ZNF774: variants seen among roughly 807,000 people sequenced by gnomAD.
ZNF774 encodes zinc finger protein 774.
A neutral mutation model predicts 11.1 loss-of-function variants in ZNF774; 14 were observed. That is an observed-to-expected ratio of 1.26 (90% CI 0.83 to 1.97). The LOEUF (loss-of-function observed/expected upper bound fraction) is 1.97. Ranked by LOEUF, ZNF774 falls within the 30% of genes most tolerant of loss-of-function variation. The probability of loss-of-function intolerance (pLI) is 0.00; values close to 1 mark genes in which losing one functional copy is unlikely to be tolerated. For missense variants in ZNF774, 599 were observed against 587.0 expected (o/e 1.02, Z -0.21); for synonymous variants, 195 against 212.6 (o/e 0.92, Z 0.72).
chr15:90,361,222 G>GT lies in ZNF774; in HGVS notation c.1392dup (p.Asn465Ter), dbSNP rs1475564849. On this transcript the variant is annotated frameshift_variant, in exon 4 of 4. Transcript: ENST00000354377. LOFTEE classifies it high-confidence loss of function. ...GAAAAACCTTTCCACTGTAGTAAATGTAACAAGAGCTTCCGTCAGAAAGCG... is the reference window on the plus strand; with the variant it reads ...GAAAAACCTTTCCACTGTAGTAAATGTTAACAAGAGCTTCCGTCAGAAAGCG... 6.2e-7 allele frequency: 1 copy of GT among 1,612,424 alleles called. No homozygotes were observed. Among genetic ancestry groups the GT allele is most frequent in the East Asian group, 2.2e-5 (1 of 44,860 alleles).
At position 90,360,903 on chromosome 15, in the gene ZNF774, CAG is replaced by C. The variant is rs1327449874; in HGVS notation, c.1075_1076del (p.Ser359LeufsTer13). 3.1e-6 allele frequency: 5 copies of C among 1,613,946 alleles called. No individual in the cohort carries two copies. In the Admixed American group the frequency reaches 8.3e-5, roughly 27 times the overall value. Reference sequence around the variant, plus strand: ...TCCTGACTGCCACAAAAGCTTCAGTCAGAGCTCACATTTGGTCACGCACCAAA... The same window carrying C: ...TCCTGACTGCCACAAAAGCTTCAGTCAGCTCACATTTGGTCACGCACCAAA... ...SCPDCHKSFS[Q>X]SSHLVTHQRT... is the part of the protein sequence containing the mutation. On this transcript the variant is annotated frameshift_variant, in exon 4 of 4. Coordinates refer to ENST00000354377, the MANE Select transcript of ZNF774 (RefSeq NM_001004309.3). LOFTEE classifies it low-confidence loss of function (END_TRUNC).
At position 90,361,552 on chromosome 15, in the gene ZNF774, C is replaced by T; in HGVS notation, c.*269C>T. On this transcript the variant is annotated 3_prime_UTR_variant, in exon 4 of 4. Coordinates refer to ENST00000354377, the MANE Select transcript of ZNF774 (RefSeq NM_001004309.3). ...GCCCGCCAGGCGTGGTGGCTCACCC[C>T]TGTAATCCCAGCACTTTTGGGAGGC... The T allele has an allele frequency of 8.7e-7, 1 of 1,150,502 alleles. No homozygotes were observed. Among genetic ancestry groups the T allele is most frequent in the Non-Finnish European group, 1.1e-6 (1 of 932,482 alleles). The allele number at this position is 1,150,502 out of a possible 1,614,324, so 71.3% of individuals were successfully genotyped here. A position where few individuals can be genotyped will look rare whatever the true frequency, so the allele number is the denominator to read the frequency against.
In ZNF774 at chr15:90,360,800, G is replaced by C. The variant is rs2151683245; in HGVS notation, c.969G>C (p.Glu323Asp). ...HTGERPFKCP[E>D]CGKGFRDSSH... The stretch of plus-strand genomic sequence containing the variant: ...GAGAACGGCCCTTCAAATGCCCGGA[G>C]TGCGGGAAGGGCTTCAGAGATAGTT... The change falls in exon 4 of 4, where the codon GAG becomes GAC. Residue 323 changes from glutamate to aspartate, a missense_variant. Transcript: ENST00000354377. 1.2e-6 allele frequency: 2 copies of C among 1,614,144 alleles called. No homozygotes were observed. The highest frequency in any genetic ancestry group is 4.5e-5 in the East Asian group (2 of 44,884).
In ZNF774 at chr15:90,362,445, C is replaced by A; in HGVS notation, c.*1162C>A. 1 of 1,079,880 alleles carries A rather than the reference C, an allele frequency of 9.3e-7. No individual in the cohort carries two copies. The highest frequency in any genetic ancestry group is 1.4e-6 in the Non-Finnish European group (1 of 736,048). The allele number at this position is 1,079,880 out of a possible 1,614,324, so 66.9% of individuals were successfully genotyped here. ...GAATGTCAAATGATATTACAGGGAT[C>A]CTCCCTGGCATTTAGCTGAAGGAAG... On this transcript the variant is annotated 3_prime_UTR_variant, in exon 4 of 4. Transcript: ENST00000354377.
Position 90,362,239 on chromosome 15 carries a change from G to A in ZNF774, c.*956G>A, listed in dbSNP as rs142878377. ...CATGACAAGGCCAAATTATCGTAGA[G>A]GATGTTTGCGGTCTTGTGACTTGGA... On this transcript the variant is annotated 3_prime_UTR_variant, in exon 4 of 4. Transcript: ENST00000354377. 7.8e-4 allele frequency: 243 copies of A among 310,924 alleles called. No individual in the cohort carries two copies. Among genetic ancestry groups the A allele is most frequent in the African/African-American group, 4.6e-3 (223 of 48,092 alleles). The allele number at this position is 310,924 out of a possible 1,614,324, so 19.3% of individuals were successfully genotyped here. A position where few individuals can be genotyped will look rare whatever the true frequency, so the allele number is the denominator to read the frequency against.
At chr15:90,356,101 C>G (rs1189347159) in intron 2 of ZNF774, among the ~76,000 whole-genome samples, 1 of 148,892 alleles carries the variant, frequency 6.7e-6, no homozygotes, top group East Asian at 2.0e-4. Context: ...GCTACCCTTC[C>G]TCCTGCTTTA....
chr15:90,353,779 G>C (rs560488856), intron 1 of ZNF774, among the ~76,000 whole-genome samples: 228 of 152,006 alleles, frequency 1.5e-3, no homozygotes, highest in Non-Finnish European at 3.0e-3. Context: ...AAAGTTCTTT[G>C]TAGAGAAAGA....
chr15:90,357,934 C>T (rs1321869041), intron 2 of ZNF774, among the ~76,000 whole-genome samples: 1 of 144,648 alleles, frequency 6.9e-6, no homozygotes, highest in African/African-American at 2.6e-5. Context: ...CTCTCTCTGT[C>T]GTCCAGGCTG....
rs775751780 is a variant in ZNF774, at chr15:90,362,500, T to C, written c.*1217T>C. 17 of 1,521,680 alleles carry C rather than the reference T, an allele frequency of 1.1e-5. No individual in the cohort carries two copies. The highest frequency in any genetic ancestry group is 5.9e-5 in the Admixed American group (3 of 50,902). The allele number at this position is 1,521,680 out of a possible 1,614,324, so 94.3% of individuals were successfully genotyped here. A position where few individuals can be genotyped will look rare whatever the true frequency, so the allele number is the denominator to read the frequency against. ...TCTTGTTTTCTAATTTGCTGGGTCA[T>C]TGGCCATTTAGTTTTAGGTTAATAT... On this transcript the variant is annotated 3_prime_UTR_variant, in exon 4 of 4. Transcript: ENST00000354377.
chr15:90,357,340 C>T (rs1964262391), intron 2 of ZNF774, among the ~76,000 whole-genome samples: 1 of 151,998 alleles, frequency 6.6e-6, no homozygotes, highest in Non-Finnish European at 1.5e-5. Context: ...GACCCTGTCT[C>T]TACAAAAAGT....
chr15:90,354,617 T>A, intron 1 of ZNF774, 25 bp from the exon 2 acceptor site: 1 of 1,454,738 alleles, frequency 6.9e-7, no homozygotes, highest in Non-Finnish European at 9.5e-7. Context: ...GAGCTACTGA[T>A]GCACATTGAG....
rs954138724 is a variant in ZNF774 at position 90,361,281 on chromosome 15, T to C, written c.1450T>C (p.Ter484GlnextTer47). The change falls in exon 4 of 4, where the codon TAG becomes CAG. Residue 484 changes from the stop codon to glutamine (Q), a stop_lost. Transcript: ENST00000354377. ...ATGCCATCAAAACACCCATTTGATT[T>C]AGGAAGTAGTCTTTGGTGTTCAGCT... Reference protein sequence around the residue: ...LLCHQNTHLI* With the variant: ...LLCHQNTHLIQ The C allele has an allele frequency of 3.8e-6, 6 of 1,594,014 alleles. No individual in the cohort carries two copies. The highest frequency in any genetic ancestry group is 4.3e-6 in the Non-Finnish European group (5 of 1,168,914).
rs781104469 is a variant in ZNF774, at chr15:90,360,736, A to G, written c.905A>G (p.Gln302Arg). The G allele has an allele frequency of 2.2e-5, 36 of 1,614,052 alleles. 1 individual carries two copies. The highest frequency in any genetic ancestry group is 2.9e-5 in the Non-Finnish European group (34 of 1,180,004). Residue 302 changes from glutamine (Q) to arginine (R), a missense_variant, in exon 4 of 4, where the codon CAG (glutamine) becomes CGG (arginine). By Grantham distance (43) the Gln-to-Arg change is conservative. Transcript: ENST00000354377. Reference protein sequence around the residue: ...RCNDCGESFSQSSDLIKHQRT... With the variant: ...RCNDCGESFSRSSDLIKHQRT... The stretch of plus-strand genomic sequence containing the variant: ...AATGACTGTGGGGAGAGTTTTAGCC[A>G]GAGCTCGGATTTGATTAAGCACCAA...
chr15:90,357,196 C>T (rs566242464), intron 2 of ZNF774, among the ~76,000 whole-genome samples: 1 of 151,946 alleles, frequency 6.6e-6, no homozygotes, highest in African/African-American at 2.4e-5. Context: ...CTACCTTTCA[C>T]AGTGGGTATT....
At chr15:90,355,709 CAAG>C (rs2151681157) in intron 2 of ZNF774, among the ~76,000 whole-genome samples, 1 of 97,860 alleles carries the variant, frequency 1.0e-5, no homozygotes, top group Non-Finnish European at 1.8e-5. Context: ...GGCAATAGAG[CAAG>C]ACTCTGTCTC....
intron 3 of ZNF774, 40 bp from the exon 4 acceptor site, chr15:90,360,003 C>T (rs1421601266): frequency 1.2e-5 from 19 of 1,540,764 alleles, no homozygotes; most frequent in Non-Finnish European, 1.7e-5. Context: ...TTCCTGATAA[C>T]TGATAACTTT....
chr15:90,361,562 A>G lies in ZNF774; in HGVS notation c.*279A>G. ...CGTGGTGGCTCACCCCTGTAATCCC[A>G]GCACTTTTGGGAGGCCAAGGTGGGT... On this transcript the variant is annotated 3_prime_UTR_variant, in exon 4 of 4. Transcript: ENST00000354377. 8.9e-7 allele frequency: 1 copy of G among 1,121,778 alleles called. No individual in the cohort carries two copies. Among genetic ancestry groups the G allele is most frequent in the Admixed American group, 4.5e-5 (1 of 22,460 alleles). 69.5% of individuals were successfully genotyped at this position (1,121,778 alleles called of 1,614,324 possible). A position where few individuals can be genotyped will look rare whatever the true frequency, so the allele number is the denominator to read the frequency against.
chr15:90,360,782 G>C lies in ZNF774; in HGVS notation c.951G>C (p.Arg317=). Residue 317 remains arginine (R), a synonymous_variant, in exon 4 of 4, where the codon CGG becomes CGC. Coordinates refer to ENST00000354377, the MANE Select transcript of ZNF774 (RefSeq NM_001004309.3). ...IKHQRTHTGE[R]PFKCPECGKG... is the part of the protein sequence containing the mutation. Reference sequence around the variant, plus strand: ...ACCAACGAACCCACACGGGAGAACGGCCCTTCAAATGCCCGGAGTGCGGGA... The same window carrying C: ...ACCAACGAACCCACACGGGAGAACGCCCCTTCAAATGCCCGGAGTGCGGGA... The C allele has an allele frequency of 6.2e-7, 1 of 1,614,022 alleles. No individual in the cohort carries two copies. The highest frequency in any genetic ancestry group is 8.5e-7 in the Non-Finnish European group (1 of 1,179,990).
Position 90,352,802 on chromosome 15 carries a change from G to A in ZNF774, c.-20+391G>A, listed in dbSNP as rs369791771. ...TGGCACTTAGTCACAGCCCCTCAGC[G>A]CTGTGGGGCCTTTGAGGTCACCTGT... On this transcript the variant is annotated intron_variant, in intron 1 of 3. Coordinates refer to ENST00000354377, the MANE Select transcript of ZNF774 (RefSeq NM_001004309.3). 6.6e-5 allele frequency among the ~76,000 whole-genome samples: 10 copies of A among 152,062 alleles called. No individual in the cohort carries two copies. In the East Asian group the frequency reaches 1.9e-3, roughly 29 times the overall value.
Sources: allele counts gnomAD v4.1 joint callset (sites outside exome capture counted in the v4.1 genomes callset), GRCh38; gene constraint gnomAD v4.1.1; transcripts MANE v1.5; gene names NCBI Gene and HGNC (gene_info 2026-07-23, HGNC 2026-07-21).